Variants in FLAD1 observed in about 807,000 individuals in gnomAD.
FLAD1 encodes bifunctional FAD diphosphatase/FAD synthase.
Under a neutral mutation model 55.0 loss-of-function variants are expected in FLAD1, and 35 were observed. The ratio of observed to expected loss-of-function variants is 0.64; its 90% CI spans 0.49 to 0.84. The LOEUF (loss-of-function observed/expected upper bound fraction) is 0.84. Among genes scored for constraint, FLAD1 ranks in the 40% least tolerant of loss-of-function variants. FLAD1 has a pLI of 0.00. For synonymous variants in FLAD1, 267 were observed against 303.0 expected (o/e 0.88, Z 1.23); for missense variants, 665 against 742.6 (o/e 0.90, Z 1.21).
Position 154,983,868 on chromosome 1 carries a change from C to T in FLAD1, c.174C>T (p.Phe58=). The part of the protein sequence containing the change: ...LQVPSTQDPL[F]PGYGPQCPVD... ...TTCCCTCGACCCAGGACCCCCTGTTCCCAGGCTATGGCCCCCAGTGCCCTG... is the reference window on the plus strand; with the variant it reads ...TTCCCTCGACCCAGGACCCCCTGTTTCCAGGCTATGGCCCCCAGTGCCCTG... Residue 58 remains phenylalanine (F), a synonymous_variant, in exon 1 of 7, where the codon TTC becomes TTT. Transcript: ENST00000292180. 6.2e-7 allele frequency: 1 copy of T among 1,614,122 alleles called. No homozygotes were observed. The highest frequency in any genetic ancestry group is 8.5e-7 in the Non-Finnish European group (1 of 1,179,986).
rs758929025 is a variant in FLAD1, at chr1:154,990,312, C to T, written c.1365-27C>T. On this transcript the variant is annotated intron_variant, in intron 4 of 6. Coordinates refer to ENST00000292180, the MANE Select transcript of FLAD1 (RefSeq NM_025207.5). ...AGAGAAGCTTGACAGAGCCCACGCCCGACCCCTACTTCTGTTTCTTCCTAA... is the reference window on the plus strand; with the variant it reads ...AGAGAAGCTTGACAGAGCCCACGCCTGACCCCTACTTCTGTTTCTTCCTAA... 123 of 1,613,308 alleles carry T rather than the reference C, an allele frequency of 7.6e-5. 1 individual carries two copies. The Middle Eastern group carries it at 1.5e-3, about 19-fold the overall frequency.
Position 154,983,869 on chromosome 1 carries a change from C to T in FLAD1, c.175C>T (p.Pro59Ser). 6.2e-7 allele frequency: 1 copy of T among 1,614,120 alleles called. No individual in the cohort carries two copies. Among genetic ancestry groups the T allele is most frequent in the Non-Finnish European group, 8.5e-7 (1 of 1,180,004 alleles). ...QVPSTQDPLF[P>S]GYGPQCPVDL... Reference sequence around the variant, plus strand: ...TCCCTCGACCCAGGACCCCCTGTTCCCAGGCTATGGCCCCCAGTGCCCTGT... The same window carrying T: ...TCCCTCGACCCAGGACCCCCTGTTCTCAGGCTATGGCCCCCAGTGCCCTGT... Residue 59 changes from proline (P) to serine (S), a missense_variant, in exon 1 of 7, where the codon CCA (proline) becomes TCA (serine). Coordinates refer to ENST00000292180, the MANE Select transcript of FLAD1 (RefSeq NM_025207.5).
Position 154,989,568 on chromosome 1 carries a change from T to G in FLAD1, c.1126T>G (p.Leu376Val). The G allele has an allele frequency of 6.3e-7, 1 of 1,576,484 alleles. No individual in the cohort carries two copies. The highest frequency in any genetic ancestry group is 8.6e-7 in the Non-Finnish European group (1 of 1,160,004). Reference protein sequence around the residue: ...VYKLAESGSSLGKKVAGALQT... With the variant: ...VYKLAESGSSVGKKVAGALQT... Reference sequence around the variant, plus strand: ...CCCTGCCTGCTTGGCAGGGTCTTCTTTGGGGAAAAAGGTGGCAGGTGCCCT... The same window carrying G: ...CCCTGCCTGCTTGGCAGGGTCTTCTGTGGGGAAAAAGGTGGCAGGTGCCCT... The change falls in exon 3 of 7, where the codon TTG becomes GTG. Residue 376 changes from leucine (L) to valine (V), a missense_variant. Physicochemically the swap from Leu to Val is conservative, Grantham distance 32. Coordinates refer to ENST00000292180, the MANE Select transcript of FLAD1 (RefSeq NM_025207.5).
At chr1:154,989,275 T>C (rs1210078565) in intron 2 of FLAD1, among the ~76,000 whole-genome samples, 1 of 152,058 alleles carries the variant, frequency 6.6e-6, no homozygotes, top group Admixed American at 6.5e-5. Flanking sequence ...AATGAGGGCC[T>C]GCAAGGAAGC....
At chr1:154,985,828 C>T (rs549026352) in intron 1 of FLAD1, among the ~76,000 whole-genome samples, 3 of 149,246 alleles carry the variant, frequency 2.0e-5, no homozygotes, top group African/African-American at 7.4e-5. Context: ...TGGGTTCAAG[C>T]GACTCTCCTG....
Position 154,983,787 on chromosome 1 carries a change from C to T in FLAD1, c.93C>T (p.Leu31=), listed in dbSNP as rs1397477778. 1.2e-6 allele frequency: 2 copies of T among 1,614,140 alleles called. No homozygotes were observed. The highest frequency in any genetic ancestry group is 3.3e-5 in the Admixed American group (2 of 60,022). Residue 31 remains leucine, a synonymous_variant, in exon 1 of 7, where the codon CTC becomes CTT. Coordinates refer to ENST00000292180, the MANE Select transcript of FLAD1 (RefSeq NM_025207.5). Reference sequence around the variant, plus strand: ...GGTTAGAGAAGACTAGGGTCTTCCTCGAAGGAAGCACGCGCACGCCTGCTC... The same window carrying T: ...GGTTAGAGAAGACTAGGGTCTTCCTTGAAGGAAGCACGCGCACGCCTGCTC... ...RIWLEKTRVF[L]EGSTRTPALP...
Position 154,983,618 on chromosome 1 carries a change from G to A in FLAD1, c.-77G>A. ...CTTGAGGAGACCAGCTCAGCAAACGGAAGACACTTAAAGTGGTAGGTTCTC... is the reference window on the plus strand; with the variant it reads ...CTTGAGGAGACCAGCTCAGCAAACGAAAGACACTTAAAGTGGTAGGTTCTC... On this transcript the variant is annotated 5_prime_UTR_variant, in exon 1 of 7. Coordinates refer to ENST00000292180, the MANE Select transcript of FLAD1 (RefSeq NM_025207.5). 1 of 1,478,650 alleles carries A rather than the reference G, an allele frequency of 6.8e-7. No homozygotes were observed. The highest frequency in any genetic ancestry group is 9.1e-7 in the Non-Finnish European group (1 of 1,098,656). 91.6% of individuals were successfully genotyped at this position (1,478,650 alleles called of 1,614,324 possible).
chr1:154,990,439 C>T lies in FLAD1; in HGVS notation c.1465C>T (p.Arg489Cys), dbSNP rs1295851072. ...PQLEAVLMGTRRTDPYSCSLC... is the reference protein window; with the variant it reads ...PQLEAVLMGTCRTDPYSCSLC... ...GCTGGAGGCTGTCCTTATGGGCACCCGCCGGACTGACCCCTACTCCTGTAG... is the reference window on the plus strand; with the variant it reads ...GCTGGAGGCTGTCCTTATGGGCACCTGCCGGACTGACCCCTACTCCTGTAG... Residue 489 changes from arginine (R) to cysteine (C), a missense_variant, in exon 5 of 7, where the codon CGC (arginine) becomes TGC (cysteine). Arg to Cys is a radical substitution (Grantham distance 180). Transcript: ENST00000292180. 1.9e-6 allele frequency: 3 copies of T among 1,614,190 alleles called. No individual in the cohort carries two copies. Among genetic ancestry groups the T allele is most frequent in the Non-Finnish European group, 1.7e-6 (2 of 1,180,028 alleles).
rs58377614 is a variant in FLAD1 at position 154,991,223 on chromosome 1, A to ATATATATATATATATATGTAT, written c.1554+695_1554+696insTATATATATATATATATGTAT. Reference sequence around the variant, plus strand: ...CTCTGTCTCAAAAAAAAAAAAAAAAAAAATATATATATATATATGTATATA... The same window carrying ATATATATATATATATATGTAT: ...CTCTGTCTCAAAAAAAAAAAAAAAAATATATATATATATATATGTATAAATATATATATATATATGTATATA... On this transcript the variant is annotated intron_variant, in intron 5 of 6. Transcript: ENST00000292180. 8.6e-5 allele frequency: 10 copies of ATATATATATATATATATGTAT among 116,080 alleles called. No homozygotes were observed. The East Asian group carries it at 2.6e-3, about 30-fold the overall frequency. 7.2% of individuals were successfully genotyped at this position (116,080 alleles called of 1,614,324 possible).
Position 154,984,075 on chromosome 1 carries a change from G to C in FLAD1, c.372+9G>C. 2.0e-6 allele frequency: 3 copies of C among 1,493,356 alleles called. No homozygotes were observed. Among genetic ancestry groups the C allele is most frequent in the Non-Finnish European group, 2.7e-6 (3 of 1,119,284 alleles). The allele number at this position is 1,493,356 out of a possible 1,614,324, so 92.5% of individuals were successfully genotyped here. ...GAGATGAGATCCTTAAGGTGTGTCT[G>C]GGACAGAAAAGGGGGGAGGGCGCTG... On this transcript the variant is annotated intron_variant, in intron 1 of 6. Transcript: ENST00000292180.
At chr1:154,992,421 C>G in intron 5 of FLAD1, 1 of 718,432 alleles carries the variant, frequency 1.4e-6, no homozygotes, top group Non-Finnish European at 2.3e-6. Flanking sequence ...CCAGCCTGGG[C>G]GACAGAGCCA....
At chr1:154,986,704 C>CCCT (rs1657626991) in intron 1 of FLAD1, among the ~76,000 whole-genome samples, 2 of 91,700 alleles carry the variant, frequency 2.2e-5, no homozygotes, top group African/African-American at 5.0e-5. Context: ...GCCCCCCACC[C>CCCT]TTTTTTTTTT....
intron 5 of FLAD1, among the ~76,000 whole-genome samples, chr1:154,991,441 A>G (rs904782533): frequency 1.4e-5 from 2 of 147,386 alleles, no homozygotes; most frequent in Non-Finnish European, 3.0e-5. Flanking sequence ...TGTAATCCCA[A>G]CTACTCAGGA....
intron 5 of FLAD1, 39 bp downstream of exon 5, chr1:154,990,567 G>C (rs1657817717): frequency 6.5e-7 from 1 of 1,533,446 alleles, no homozygotes; most frequent in Non-Finnish European, 8.8e-7. Flanking sequence ...AGTCTCACGT[G>C]CCCCAGCAGT....
chr1:154,987,166 T>A (rs1418711197), intron 1 of FLAD1, among the ~76,000 whole-genome samples: 2 of 152,054 alleles, frequency 1.3e-5, no homozygotes, highest in African/African-American at 2.4e-5. Flanking sequence ...TAGCTGGGAC[T>A]ACAGGCATGC....
chr1:154,988,792 T>G lies in FLAD1; in HGVS notation c.1060T>G (p.Tyr354Asp). 1.9e-6 allele frequency: 3 copies of G among 1,614,170 alleles called. No individual in the cohort carries two copies. The highest frequency in any genetic ancestry group is 2.5e-6 in the Non-Finnish European group (3 of 1,180,036). ...TTTGCCCCAGGGATCGCTGGTCCCC[T>G]ACATGCCCAACGCTGTGGAGCAGGC... ...ARLPQGSLVP[Y>D]MPNAVEQASE... Residue 354 changes from tyrosine (Y) to aspartate (D), a missense_variant, in exon 2 of 7, where the codon TAC becomes GAC. Tyr to Asp is a radical substitution (Grantham distance 160). Coordinates refer to ENST00000292180, the MANE Select transcript of FLAD1 (RefSeq NM_025207.5).
chr1:154,985,598 G>C (rs535115943), intron 1 of FLAD1, among the ~76,000 whole-genome samples: 57 of 151,630 alleles, frequency 3.8e-4, no homozygotes, highest in Non-Finnish European at 4.0e-4. Context: ...GGACGGATGG[G>C]GTTTCGCCAT....
chr1:154,992,517 C>T, intron 5 of FLAD1, 196 bp from the exon 6 acceptor site: 1 of 1,541,034 alleles, frequency 6.5e-7, no homozygotes, highest in Non-Finnish European at 8.9e-7. Flanking sequence ...GAATGGAAAG[C>T]AGAGAGTGGA....
chr1:154,989,433 G>C, intron 2 of FLAD1, 127 bp from the exon 3 acceptor site: 1 of 981,314 alleles, frequency 1.0e-6, no homozygotes, highest in Non-Finnish European at 1.5e-6. Flanking sequence ...CAGCATGAAG[G>C]AGTTTGGACT....
Sources: allele counts gnomAD v4.1 joint callset (sites outside exome capture counted in the v4.1 genomes callset), GRCh38; gene constraint gnomAD v4.1.1; transcripts MANE v1.5; gene names NCBI Gene and HGNC (gene_info 2026-07-23, HGNC 2026-07-21).